The following RHOH variants were observed in gnomAD, a reference collection of about 807,000 sequenced individuals.
The protein encoded by RHOH is ras homolog family member H, also known as rho-related GTP-binding protein RhoH.
RHOH carries 6 observed loss-of-function variants against 13.8 expected under a neutral mutation model. That is an observed-to-expected ratio of 0.44 (90% CI 0.24 to 0.86). The LOEUF is 0.86. RHOH is among the 40% of genes least tolerant of loss of function. The pLI is 0.24. For missense variants in RHOH, 147 were observed against 244.5 expected, an observed-to-expected ratio of 0.60 and a Z score of 2.66; for synonymous variants, 117 against 103.0, an observed-to-expected ratio of 1.14 and a Z score of -0.82.
chr4:40,224,168 G>T (rs564291517), intron 1 of RHOH, among the ~76,000 whole-genome samples: 3 of 152,288 alleles, frequency 2.0e-5, no homozygotes, highest in African/African-American at 7.2e-5. Context: ...CTGAACCCGC[G>T]ATATCTGTAA....
chr4:40,224,420 T>C (rs373982944), intron 1 of RHOH, among the ~76,000 whole-genome samples: 33 of 152,270 alleles, frequency 2.2e-4, no homozygotes, highest in African/African-American at 7.7e-4. Flanking sequence ...AGAATTGGAA[T>C]TGCTGGATTA....
intron 1 of RHOH, among the ~76,000 whole-genome samples, chr4:40,203,268 G>A (rs973490925): frequency 3.9e-5 from 6 of 152,162 alleles, no homozygotes; most frequent in African/African-American, 1.2e-4. Context: ...CACCGCGCCC[G>A]GCCAGTTCTC....
chr4:40,196,210 T>C (rs1381341916), upstream of RHOH, among the ~76,000 whole-genome samples: 3 of 152,238 alleles, frequency 2.0e-5, no homozygotes, highest in Non-Finnish European at 2.9e-5. Context: ...ACTTTATCCT[T>C]ACGGTCGGCA....
Position 40,244,845 on chromosome 4 carries a change from G to C in RHOH, c.*883G>C, listed in dbSNP as rs1729664018. 1 of 169,176 alleles carries C rather than the reference G, an allele frequency of 5.9e-6. No homozygotes were observed. Among genetic ancestry groups the C allele is most frequent in the Non-Finnish European group, 1.3e-5 (1 of 77,944 alleles). 10.5% of individuals were successfully genotyped at this position (169,176 alleles called of 1,614,324 possible). On this transcript the variant is annotated 3_prime_UTR_variant, in exon 3 of 3. Coordinates refer to ENST00000381799, the MANE Select transcript of RHOH (RefSeq NM_004310.5). The stretch of plus-strand genomic sequence containing the variant: ...GTAGGGTGGTTCCCAGGCGACTGCA[G>C]GTCCTGTGAAAGACAGGGGTCTCAA...
chr4:40,225,368 C>T (rs898499140), intron 1 of RHOH, among the ~76,000 whole-genome samples: 1 of 151,876 alleles, frequency 6.6e-6, no homozygotes, highest in African/African-American at 2.4e-5. Context: ...TTATAGATGT[C>T]GGCCAGTACA....
chr4:40,203,345 T>C (rs1220287482), intron 1 of RHOH, among the ~76,000 whole-genome samples: 1 of 152,172 alleles, frequency 6.6e-6, no homozygotes, highest in African/African-American at 2.4e-5. Context: ...AGCATCCAGG[T>C]TCCATCTCCA....
intron 1 of RHOH, among the ~76,000 whole-genome samples, chr4:40,215,688 G>A (rs1451175633): frequency 6.6e-6 from 1 of 152,214 alleles, no homozygotes; most frequent in African/African-American, 2.4e-5. Flanking sequence ...CAGCACTTTG[G>A]GAGGCCAAGG....
chr4:40,194,929 C>A (rs1317577), upstream of RHOH, among the ~76,000 whole-genome samples: 23,272 of 152,096 alleles, frequency 0.15, 2,075 homozygotes, highest in South Asian at 0.32. Context: ...CTATGGGAAT[C>A]CAGGGGGCAA....
At chr4:40,241,737 T>G (rs111260702) in intron 1 of RHOH, among the ~76,000 whole-genome samples, 10,120 of 151,094 alleles carry the variant, frequency 0.067, 1,109 homozygotes, top group African/African-American at 0.23. Flanking sequence ...AAAAAAGCAA[T>G]AAATTAGCCC....
intron 1 of RHOH, among the ~76,000 whole-genome samples, chr4:40,221,153 C>A (rs1470735687): frequency 6.6e-6 from 1 of 152,150 alleles, no homozygotes; most frequent in African/African-American, 2.4e-5. Context: ...GCTGAGAATT[C>A]CCAGTAAATC....
intron 1 of RHOH, among the ~76,000 whole-genome samples, chr4:40,204,463 T>G (rs1052944869): frequency 6.6e-6 from 1 of 152,230 alleles, no homozygotes; most frequent in Non-Finnish European, 1.5e-5. Flanking sequence ...TTTGGAGCAA[T>G]GTTTCCTAAT....
chr4:40,211,786 AAGAG>A (rs143152787), intron 1 of RHOH, among the ~76,000 whole-genome samples: 2,790 of 152,156 alleles, frequency 0.018, 91 homozygotes, highest in African/African-American at 0.064. Flanking sequence ...AAAATGGAAA[AAGAG>A]AGAAGATTTG....
At chr4:40,222,931 G>A (rs1041292665) in intron 1 of RHOH, among the ~76,000 whole-genome samples, 2 of 152,174 alleles carry the variant, frequency 1.3e-5, no homozygotes, top group Non-Finnish European at 2.9e-5. Flanking sequence ...GGAAGAAGTT[G>A]ATTCCAAGCC....
At chr4:40,225,560 G>A (rs1368669554) in intron 1 of RHOH, among the ~76,000 whole-genome samples, 1 of 152,166 alleles carries the variant, frequency 6.6e-6, no homozygotes, top group Non-Finnish European at 1.5e-5. Context: ...TCAAATACAC[G>A]AAGGACGCCG....
intron 1 of RHOH, among the ~76,000 whole-genome samples, chr4:40,198,745 C>T (rs1723565741): frequency 6.6e-6 from 1 of 152,212 alleles, no homozygotes; most frequent in South Asian, 2.1e-4. Context: ...AAGTGGCCTT[C>T]CTCTTGGGAG....
intron 1 of RHOH, among the ~76,000 whole-genome samples, chr4:40,220,794 C>T (rs1187927850): frequency 1.1e-4 from 17 of 152,068 alleles, no homozygotes; most frequent in African/African-American, 3.6e-4. Context: ...ACTATATATG[C>T]GTAAGCAATG....
chr4:40,209,824 G>A (rs552472688), intron 1 of RHOH, among the ~76,000 whole-genome samples: 7 of 152,284 alleles, frequency 4.6e-5, no homozygotes, highest in Admixed American at 4.6e-4. Flanking sequence ...TATTTTGAAA[G>A]ACATATCTTC....
intron 1 of RHOH, among the ~76,000 whole-genome samples, chr4:40,206,404 C>A (rs950799140): frequency 6.6e-6 from 1 of 152,106 alleles, no homozygotes; most frequent in Non-Finnish European, 1.5e-5. Context: ...GGTTGAGAAG[C>A]ATAAGAATGC....
chr4:40,198,548 T>C (rs924633869), intron 1 of RHOH, among the ~76,000 whole-genome samples: 1 of 152,222 alleles, frequency 6.6e-6, no homozygotes, highest in African/African-American at 2.4e-5. Flanking sequence ...TTGTCGAGCG[T>C]GGCCTCTTCC....
Sources: allele counts gnomAD v4.1 joint callset (sites outside exome capture counted in the v4.1 genomes callset), GRCh38; gene constraint gnomAD v4.1.1; transcripts MANE v1.5; gene names NCBI Gene and HGNC (gene_info 2026-07-23, HGNC 2026-07-21).